ERAP1: variants seen among roughly 807,000 people sequenced by gnomAD.
ERAP1 encodes the protein endoplasmic reticulum aminopeptidase 1.
ERAP1 carries 86 observed loss-of-function variants against 103.7 expected under a neutral mutation model. That is an observed-to-expected ratio of 0.83 (90% CI 0.70 to 0.99). ERAP1 has a LOEUF of 0.99. ERAP1 is among the 50% of genes least tolerant of loss of function. The probability of loss-of-function intolerance (pLI) is 0.00; values close to 1 mark genes in which losing one functional copy is unlikely to be tolerated. For missense variants in ERAP1, 1,009 were observed against 1,128.4 expected, an observed-to-expected ratio of 0.89 and a Z score of 1.52; for synonymous variants, 398 against 402.4, an observed-to-expected ratio of 0.99 and a Z score of 0.13.
the ERAP1 span, among the ~76,000 whole-genome samples, chr5:96,824,422 C>T: frequency 6.6e-6 from 1 of 152,264 alleles, no homozygotes; most frequent in Non-Finnish European, 1.5e-5. Context: ...GGATCCTATC[C>T]TCCTGCTTAG....
the ERAP1 span, among the ~76,000 whole-genome samples, chr5:96,908,557 C>A: frequency 6.6e-6 from 1 of 152,168 alleles, no homozygotes; most frequent in East Asian, 1.9e-4. Flanking sequence ...CAAACCCACA[C>A]ATGAAGCAAT....
In ERAP1 at chr5:96,774,705, AAAG is replaced by A. The variant is rs1333712734; in HGVS notation, c.*1688_*1690del. On this transcript the variant is annotated 3_prime_UTR_variant, in exon 19 of 19. Coordinates refer to ENST00000443439, the MANE Select transcript of ERAP1 (RefSeq NM_001040458.3). ...AAAATCTTGGTTGTGTATTTTTTTA[AAAG>A]AAGGGAAATAGTTTAGTTTGGGGTG... 3.1e-6 allele frequency: 3 copies of A among 983,144 alleles called. No individual in the cohort carries two copies. Among genetic ancestry groups the A allele is most frequent in the Admixed American group, 1.2e-4 (2 of 16,268 alleles). 60.9% of individuals were successfully genotyped at this position (983,144 alleles called of 1,614,324 possible). A position where few individuals can be genotyped will look rare whatever the true frequency, so the allele number is the denominator to read the frequency against.
the ERAP1 span, chr5:96,889,420 C>G: frequency 3.3e-6 from 4 of 1,195,202 alleles, no homozygotes; most frequent in African/African-American, 6.0e-5. Flanking sequence ...TCAGTTAGCT[C>G]AGGAAAAAAT....
At chr5:96,790,816 CAGG>C (rs1203675141) in intron 8 of ERAP1, among the ~76,000 whole-genome samples, 173 bp from the exon 9 acceptor site, 1 of 152,172 alleles carries the variant, frequency 6.6e-6, no homozygotes, top group African/African-American at 2.4e-5. Context: ...CCTGTTTAGG[CAGG>C]AGATTTGTCT....
At chr5:96,779,831 T>C (rs1774895478) in intron 18 of ERAP1, among the ~76,000 whole-genome samples, 1 of 152,234 alleles carries the variant, frequency 6.6e-6, no homozygotes, top group Admixed American at 6.5e-5. Context: ...TGATTCCTCA[T>C]TTTTCCTTGA....
the ERAP1 span, among the ~76,000 whole-genome samples, chr5:96,884,686 T>C: frequency 6.6e-6 from 1 of 151,904 alleles, no homozygotes; most frequent in Non-Finnish European, 1.5e-5. Flanking sequence ...GCCTCCCAAG[T>C]AGCTGGGATT....
chr5:96,781,748 T>C lies in ERAP1; in HGVS notation c.2392A>G (p.Lys798Glu). 6.2e-7 allele frequency: 1 copy of C among 1,614,224 alleles called. No homozygotes were observed. The highest frequency in any genetic ancestry group is 1.3e-5 in the African/African-American group (1 of 75,062). The change falls in exon 16 of 19, where the codon AAA (lysine) becomes GAA (glutamate). Residue 798 changes from lysine to glutamate, a missense_variant. Lys to Glu is a moderately conservative substitution (Grantham distance 56). Around this residue, in one of 3 missense-constraint regions of ERAP1, gnomAD observed 611 missense variants for 651.7 expected, o/e 0.94. Coordinates refer to ENST00000443439, the MANE Select transcript of ERAP1 (RefSeq NM_001040458.3). ...CAGAGGGCAAATTCAATTTGGCTTT[T>C]CTCAGTACTGGACAAAGAAAACTGA... Reference protein sequence around the residue: ...KYQFSLSSTEKSQIEFALCRT... With the variant: ...KYQFSLSSTEESQIEFALCRT...
chr5:96,876,394 T>G, the ERAP1 span: 1 of 152,324 alleles, frequency 6.6e-6, no homozygotes, highest in Non-Finnish European at 1.5e-5. Context: ...CTAAGCTCCA[T>G]TCACACCTGC....
the ERAP1 span, among the ~76,000 whole-genome samples, chr5:96,816,641 A>G: frequency 1.3e-5 from 2 of 152,178 alleles, no homozygotes; most frequent in African/African-American, 4.8e-5. Context: ...GCATTCAACC[A>G]GTTGGAGTCA....
chr5:96,764,227 A>T (rs1293025253), intron 19 of ERAP1, among the ~76,000 whole-genome samples: 1 of 152,168 alleles, frequency 6.6e-6, no homozygotes, highest in African/African-American at 2.4e-5. Flanking sequence ...TTGGGTCCTA[A>T]CATACAACTA....
At chr5:96,834,236 C>T in the ERAP1 span, among the ~76,000 whole-genome samples, 3,446 of 152,262 alleles carry the variant, frequency 0.023, 131 homozygotes, top group African/African-American at 0.079. Context: ...AATTAATTTC[C>T]TTCTTGCCAA....
chr5:96,823,129 A>G, the ERAP1 span: 1 of 456,318 alleles, frequency 2.2e-6, no homozygotes, highest in South Asian at 1.5e-5. Context: ...TGCTTCCTCA[A>G]GGAAGCAAGG....
At chr5:96,771,941 A>C (rs1772533450), downstream of ERAP1, 1 of 331,254 alleles carries the variant, frequency 3.0e-6, no homozygotes, top group South Asian at 8.4e-5. Flanking sequence ...GCTTTTAAAA[A>C]TATTAGGCCA....
chr5:96,779,298 G>T (rs1774818466), intron 18 of ERAP1: 1 of 152,232 alleles, frequency 6.6e-6, no homozygotes, highest in Non-Finnish European at 1.5e-5. Flanking sequence ...ACAAGTGAAT[G>T]AATGAAATGC....
chr5:96,786,730 G>A (rs947604032), intron 11 of ERAP1, 181 bp from the exon 12 acceptor site: 10 of 580,892 alleles, frequency 1.7e-5, no homozygotes, highest in Non-Finnish European at 1.5e-5. Context: ...GTCAGCTCGG[G>A]CACTATTTCC....
the ERAP1 span, among the ~76,000 whole-genome samples, chr5:96,862,828 T>C: frequency 6.6e-6 from 1 of 152,140 alleles, no homozygotes; most frequent in African/African-American, 2.4e-5. Flanking sequence ...GTTACAAGAC[T>C]ATCCCTGCAC....
Position 96,793,916 on chromosome 5 carries a change from T to A in ERAP1, c.961A>T (p.Asn321Tyr). 1 of 1,614,150 alleles carries A rather than the reference T, an allele frequency of 6.2e-7. No individual in the cohort carries two copies. Among genetic ancestry groups the A allele is most frequent in the South Asian group, 1.1e-5 (1 of 91,088 alleles). The stretch of plus-strand genomic sequence containing the variant: ...TCTCTATATGTTGTCAGTCCCCAGT[T>A]TTCCATAGCACCAGACTGAAAGTCG... The part of the protein sequence containing the change: ...IPDFQSGAME[N>Y]WGLTTYRESA... The change falls in exon 6 of 19, where the codon AAC (asparagine) becomes TAC (tyrosine). Residue 321 changes from asparagine (N) to tyrosine (Y), a missense_variant. Physicochemically the swap from Asn to Tyr is moderately radical, Grantham distance 143. This residue lies in a region of ERAP1 where 392 missense variants were observed against 455.2 expected (regional missense o/e 0.86). Transcript: ENST00000443439.
At chr5:96,812,961 C>CT (rs999537373), upstream of ERAP1, among the ~76,000 whole-genome samples, 2 of 152,052 alleles carry the variant, frequency 1.3e-5, no homozygotes, top group Non-Finnish European at 2.9e-5. Flanking sequence ...CACAGCCTTT[C>CT]TTTTTTTTCT....
chr5:96,923,643 G>C, the ERAP1 span, among the ~76,000 whole-genome samples: 1 of 149,408 alleles, frequency 6.7e-6, no homozygotes, highest in South Asian at 2.1e-4. Context: ...GCAGTGAGCC[G>C]AGATCAGGCC....
Sources: allele counts gnomAD v4.1 joint callset (sites outside exome capture counted in the v4.1 genomes callset), GRCh38; gene constraint gnomAD v4.1.1; regional missense constraint gnomAD v4.1.1; transcripts MANE v1.5; gene names NCBI Gene and HGNC (gene_info 2026-07-23, HGNC 2026-07-21).